The following RHOH variants were observed in gnomAD, a reference collection of about 807,000 sequenced individuals.
The protein encoded by RHOH is rho-related GTP-binding protein RhoH.
Under a neutral mutation model 13.8 loss-of-function variants are expected in RHOH, and 6 were observed. The ratio of observed to expected loss-of-function variants is 0.44; its 90% CI spans 0.24 to 0.86. RHOH has a LOEUF of 0.86. RHOH is among the 40% of genes least tolerant of loss of function. The pLI, the probability that RHOH is intolerant of heterozygous loss-of-function variation, is 0.24. For missense variants in RHOH, 147 were observed against 244.5 expected, an observed-to-expected ratio of 0.60 and a Z score of 2.66; for synonymous variants, 117 against 103.0, an observed-to-expected ratio of 1.14 and a Z score of -0.82.
rs1723222131 is a variant in RHOH at position 40,197,048 on chromosome 4, C to T, written c.-583C>T. 1 of 152,056 alleles carries T rather than the reference C, an allele frequency of 6.6e-6. No individual in the cohort carries two copies. The highest frequency in any genetic ancestry group is 6.6e-5 in the Admixed American group (1 of 15,264). 9.4% of individuals were successfully genotyped at this position (152,056 alleles called of 1,614,324 possible). On this transcript the variant is annotated 5_prime_UTR_variant, in exon 1 of 3. Transcript: ENST00000381799. ...TCTCTTTTGTCACATTCGGATTGCT[C>T]CTGCTGCCCCACACACACTAACCCA...
At chr4:40,224,241 T>A (rs1475389723) in intron 1 of RHOH, among the ~76,000 whole-genome samples, 1 of 152,260 alleles carries the variant, frequency 6.6e-6, no homozygotes, top group African/African-American at 2.4e-5. Context: ...TTCCTTCTAA[T>A]GCTGAGTGGA....
At chr4:40,195,902 G>C (rs957160244), upstream of RHOH, among the ~76,000 whole-genome samples, 1 of 152,214 alleles carries the variant, frequency 6.6e-6, no homozygotes, top group African/African-American at 2.4e-5. Flanking sequence ...CTATTGATAA[G>C]AATGCTCACC....
chr4:40,229,634 CA>C (rs367803825), intron 1 of RHOH, among the ~76,000 whole-genome samples: 3,069 of 62,840 alleles, frequency 0.049, 29 homozygotes, highest in Non-Finnish European at 0.063. Context: ...AACGCCATCT[CA>C]AAAAAAAAAA....
chr4:40,195,287 A>G (rs1723001113), upstream of RHOH, among the ~76,000 whole-genome samples: 1 of 152,216 alleles, frequency 6.6e-6, no homozygotes, highest in South Asian at 2.1e-4. Flanking sequence ...TGTTCTGCTC[A>G]GCTGATAACA....
chr4:40,243,734 C>T lies in RHOH; in HGVS notation c.348C>T (p.Thr116=). 1 of 1,614,068 alleles carries T rather than the reference C, an allele frequency of 6.2e-7. No individual in the cohort carries two copies. Among genetic ancestry groups the T allele is most frequent in the Non-Finnish European group, 8.5e-7 (1 of 1,180,014 alleles). The stretch of plus-strand genomic sequence containing the variant: ...GTACCCCTGTGCTGGTGGTGGCCAC[C>T]CAGACTGACCAGCGGGAGATGGGGC... ...LPCTPVLVVA[T]QTDQREMGPH... Residue 116 remains threonine, a synonymous_variant, in exon 3 of 3, where the codon ACC becomes ACT. Coordinates refer to ENST00000381799, the MANE Select transcript of RHOH (RefSeq NM_004310.5). This position sits in a 1 kb window ranked among gnomAD's most constrained non-coding sequence, Gnocchi z 6.2.
intron 1 of RHOH, among the ~76,000 whole-genome samples, chr4:40,211,594 C>T (rs114415578): frequency 0.01 from 1,594 of 152,136 alleles, 28 homozygotes; most frequent in African/African-American, 0.036. Context: ...GACATTTAAG[C>T]GTCATAGGTG....
intron 1 of RHOH, among the ~76,000 whole-genome samples, chr4:40,224,116 CTCACTTTATTGCAAGAT>C (rs1409345547): frequency 2.0e-5 from 3 of 152,176 alleles, no homozygotes; most frequent in Non-Finnish European, 4.4e-5. Context: ...AACTGTGTGA[CTCACTTTATTGCAAGAT>C]TCACTTTATT....
chr4:40,226,367 A>C (rs1208708157), intron 1 of RHOH, among the ~76,000 whole-genome samples: 1 of 151,874 alleles, frequency 6.6e-6, no homozygotes, highest in Non-Finnish European at 1.5e-5. Flanking sequence ...TCTCTACTAA[A>C]AATACAAAAT....
rs371941338 is a variant in RHOH, at chr4:40,202,489, T to C, written c.-331+5189T>C. 1.5e-4 allele frequency among the ~76,000 whole-genome samples: 23 copies of C among 152,304 alleles called. No individual in the cohort carries two copies. In the East Asian group the frequency reaches 3.9e-3, roughly 26 times the overall value. ...CGTGGTGTGTGTTCATTTAAGAAAT[T>C]TGGAGAACACCTGTTAATAAGTGAT... On this transcript the variant is annotated intron_variant, in intron 1 of 2. Coordinates refer to ENST00000381799, the MANE Select transcript of RHOH (RefSeq NM_004310.5).
chr4:40,213,089 C>T (rs768360530), intron 1 of RHOH, among the ~76,000 whole-genome samples: 85 of 152,260 alleles, frequency 5.6e-4, no homozygotes, highest in Middle Eastern at 3.4e-3. Flanking sequence ...GCAGGAATAG[C>T]AGAGATGACT....
At chr4:40,195,089 T>C (rs1382835288), upstream of RHOH, among the ~76,000 whole-genome samples, 1 of 152,246 alleles carries the variant, frequency 6.6e-6, no homozygotes, top group East Asian at 1.9e-4. Flanking sequence ...CCACGTGGCA[T>C]ACATTCTCTG....
At chr4:40,228,521 A>C (rs1727511254) in intron 1 of RHOH, among the ~76,000 whole-genome samples, 1 of 152,120 alleles carries the variant, frequency 6.6e-6, no homozygotes, top group African/African-American at 2.4e-5. Flanking sequence ...CAATGGCTTA[A>C]ATATGTGTGT....
chr4:40,243,642 G>T lies in RHOH; in HGVS notation c.256G>T (p.Ala86Ser). 6.2e-7 allele frequency: 1 copy of T among 1,614,198 alleles called. No homozygotes were observed. Among genetic ancestry groups the T allele is most frequent in the Non-Finnish European group, 8.5e-7 (1 of 1,180,046 alleles). ...ADVVLMCYSV[A>S]NHNSFLNLKN... ...CGTGGTGCTGATGTGCTACTCTGTG[G>T]CCAACCATAACTCATTCCTGAACTT... The change falls in exon 3 of 3, where the codon GCC (alanine) becomes TCC (serine). Residue 86 changes from alanine to serine, a missense_variant. Physicochemically the swap from Ala to Ser is moderately conservative, Grantham distance 99. This residue lies in a region of RHOH where 80 missense variants were observed against 152.0 expected (regional missense o/e 0.53). Transcript: ENST00000381799. This position sits in a 1 kb window ranked among gnomAD's most constrained non-coding sequence, Gnocchi z 6.2.
Position 40,243,881 on chromosome 4 carries a change from C to T in RHOH, c.495C>T (p.Cys165=), listed in dbSNP as rs774982598. Residue 165 remains cysteine (C), a synonymous_variant, in exon 3 of 3, where the codon TGC becomes TGT. Transcript: ENST00000381799. This position sits in a 1 kb window ranked among gnomAD's most constrained non-coding sequence, Gnocchi z 6.2. ...SNRGVQQVFE[C]AVRTAVNQAR... is the part of the protein sequence containing the mutation. The stretch of plus-strand genomic sequence containing the variant: ...GGGGAGTACAGCAGGTGTTTGAGTG[C>T]GCCGTCCGAACTGCCGTCAACCAGG... 141 of 1,613,978 alleles carry T rather than the reference C, an allele frequency of 8.7e-5. No individual in the cohort carries two copies. The highest frequency in any genetic ancestry group is 7.7e-4 in the South Asian group (70 of 91,080).
chr4:40,223,539 T>C (rs1015980226), intron 1 of RHOH, among the ~76,000 whole-genome samples: 1 of 145,176 alleles, frequency 6.9e-6, no homozygotes, highest in African/African-American at 2.5e-5. Flanking sequence ...GGTGCAATCA[T>C]AGCTCACTGT....
chr4:40,244,899 A>C lies in RHOH; in HGVS notation c.*937A>C, dbSNP rs564383613. ...TCTGTTAATTTCACAAATTTGTTATAAATTTGTCTAAACTGAGCTGTTGTG... is the reference window on the plus strand; with the variant it reads ...TCTGTTAATTTCACAAATTTGTTATCAATTTGTCTAAACTGAGCTGTTGTG... On this transcript the variant is annotated 3_prime_UTR_variant, in exon 3 of 3. Coordinates refer to ENST00000381799, the MANE Select transcript of RHOH (RefSeq NM_004310.5). The C allele has an allele frequency of 3.7e-5, 6 of 161,362 alleles. No individual in the cohort carries two copies. Among genetic ancestry groups the C allele is most frequent in the African/African-American group, 1.4e-4 (6 of 41,886 alleles). 10.0% of individuals were successfully genotyped at this position (161,362 alleles called of 1,614,324 possible).
intron 1 of RHOH, among the ~76,000 whole-genome samples, chr4:40,198,974 A>T (rs903644867): frequency 3.3e-5 from 5 of 152,160 alleles, no homozygotes; most frequent in African/African-American, 1.2e-4. Context: ...AATAACAAAC[A>T]TACAGCACGG....
At chr4:40,216,628 G>T (rs1203705291) in intron 1 of RHOH, among the ~76,000 whole-genome samples, 12 of 152,144 alleles carry the variant, frequency 7.9e-5, no homozygotes, top group Admixed American at 5.2e-4. Context: ...TACCAATGGT[G>T]GGAAACAAGA....
chr4:40,203,104 T>A (rs1724215907), intron 1 of RHOH, among the ~76,000 whole-genome samples: 1 of 152,164 alleles, frequency 6.6e-6, no homozygotes. Flanking sequence ...CCGGAGTAGC[T>A]GGGAATACAG....
Sources: allele counts gnomAD v4.1 joint callset (sites outside exome capture counted in the v4.1 genomes callset), GRCh38; gene constraint gnomAD v4.1.1; regional missense constraint gnomAD v4.1.1; non-coding constraint Gnocchi (gnomAD v3.1); transcripts MANE v1.5; gene names NCBI Gene and HGNC (gene_info 2026-07-23, HGNC 2026-07-21).